The following PTPRZ1 variants were observed in gnomAD, a reference collection of about 807,000 sequenced individuals.
PTPRZ1 encodes protein tyrosine phosphatase receptor type Z1, also known as receptor-type tyrosine-protein phosphatase zeta.
PTPRZ1 carries 82 observed loss-of-function variants against 214.1 expected under a neutral mutation model. The ratio of observed to expected loss-of-function variants is 0.38; its 90% CI spans 0.32 to 0.46. The LOEUF (loss-of-function observed/expected upper bound fraction) is 0.46. Ranked by LOEUF, PTPRZ1 falls within the 20% of genes least tolerant of loss-of-function variation. The pLI is 1.00. For synonymous variants in PTPRZ1, 945 were observed against 987.9 expected (o/e 0.96, Z 0.81); for missense variants, 2,603 against 2,748.7 (o/e 0.95, Z 1.19).
rs929123689 is a variant in PTPRZ1 at position 122,052,087 on chromosome 7, G to A, written c.6252+148G>A. The A allele has an allele frequency of 5.0e-6, 3 of 601,214 alleles. No individual in the cohort carries two copies. The African/African-American group carries it at 5.8e-5, about 12-fold the overall frequency. 37.2% of individuals were successfully genotyped at this position (601,214 alleles called of 1,614,324 possible). The stretch of plus-strand genomic sequence containing the variant: ...GTTGACTGCAAGCCCACAGTCCACA[G>A]CAACAGTTGTAATAATGGCATGCTT... On this transcript the variant is annotated intron_variant, in intron 25 of 29. Coordinates refer to ENST00000393386, the MANE Select transcript of PTPRZ1 (RefSeq NM_002851.3).
chr7:121,934,442 C>T (rs1048670654), intron 2 of PTPRZ1, among the ~76,000 whole-genome samples: 4 of 134,952 alleles, frequency 3.0e-5, no homozygotes, highest in African/African-American at 5.8e-5. Flanking sequence ...GAGCCGAGAT[C>T]GCGCCACTGC....
At chr7:122,015,073 G>A (rs1798805887) in intron 12 of PTPRZ1, among the ~76,000 whole-genome samples, 2 of 152,276 alleles carry the variant, frequency 1.3e-5, no homozygotes, top group Admixed American at 6.5e-5. Context: ...CAGATTATGT[G>A]CAGTGTTTAT....
At chr7:121,991,908 G>A (rs1797976204) in intron 8 of PTPRZ1, among the ~76,000 whole-genome samples, 1 of 152,132 alleles carries the variant, frequency 6.6e-6, no homozygotes, top group South Asian at 2.1e-4. Flanking sequence ...CAACCTCATT[G>A]GTTACCTTCT....
intron 15 of PTPRZ1, 145 bp from the exon 16 acceptor site, chr7:122,033,950 T>G: frequency 1.5e-6 from 1 of 673,558 alleles, no homozygotes; most frequent in South Asian, 2.1e-5. Flanking sequence ...TTTGAAACAT[T>G]CTGTTGTGTT....
Position 122,010,950 on chromosome 7 carries a change from C to T in PTPRZ1, c.1904C>T (p.Thr635Ile), listed in dbSNP as rs201098566. Residue 635 changes from threonine (T) to isoleucine (I), a missense_variant, in exon 12 of 30, where the codon ACT (threonine) becomes ATT (isoleucine). Thr to Ile is a moderately conservative substitution (Grantham distance 89). Transcript: ENST00000393386. The part of the protein sequence containing the change: ...ESARNASEDS[T>I]SSGSEESLKD... The stretch of plus-strand genomic sequence containing the variant: ...GCTAGAAATGCTTCCGAAGATTCAA[C>T]TTCATCAGGTTCAGAAGAATCACTA... The T allele has an allele frequency of 2.9e-5, 46 of 1,614,010 alleles. No homozygotes were observed. In the African/African-American group the frequency reaches 6.0e-4, roughly 21 times the overall value.
chr7:122,010,655 T>C lies in PTPRZ1; in HGVS notation c.1609T>C (p.Ser537Pro). 2 of 1,613,618 alleles carry C rather than the reference T, an allele frequency of 1.2e-6. No homozygotes were observed. The highest frequency in any genetic ancestry group is 1.7e-6 in the Non-Finnish European group (2 of 1,179,522). ...TCACACTGTGGAAGGTACTTCAGCC[T>C]CTTTAAATGATGGCTCTAAAACTGT... ...PPHTVEGTSASLNDGSKTVLR... is the reference protein window; with the variant it reads ...PPHTVEGTSAPLNDGSKTVLR... The change falls in exon 12 of 30, where the codon TCT becomes CCT. Residue 537 changes from serine to proline, a missense_variant. Ser to Pro is a moderately conservative substitution (Grantham distance 74). Transcript: ENST00000393386.
chr7:122,000,834 G>T (rs1437403986), intron 10 of PTPRZ1, among the ~76,000 whole-genome samples: 1 of 150,868 alleles, frequency 6.6e-6, no homozygotes, highest in African/African-American at 2.4e-5. Flanking sequence ...TTACAGGCAT[G>T]CGCCACCACA....
Position 122,010,390 on chromosome 7 carries a change from CAG to C in PTPRZ1, c.1345_1346del (p.Ser449CysfsTer27). On this transcript the variant is annotated frameshift_variant, in exon 12 of 30. Transcript: ENST00000393386. LOFTEE classifies it high-confidence loss of function. ...GCGCTATTGTGAATCCTGGTAGAGACAGTGCTACAAACCAAATCAGGAAAAAG... is the reference window on the plus strand; with the variant it reads ...GCGCTATTGTGAATCCTGGTAGAGACTGCTACAAACCAAATCAGGAAAAAG... The part of the protein sequence containing the change: ...EGAIVNPGRD[S>X]ATNQIRKKEP... The C allele has an allele frequency of 6.2e-7, 1 of 1,613,958 alleles. No individual in the cohort carries two copies. The highest frequency in any genetic ancestry group is 8.5e-7 in the Non-Finnish European group (1 of 1,179,928).
At chr7:121,972,271 A>C (rs889605734) in intron 3 of PTPRZ1, among the ~76,000 whole-genome samples, 2 of 152,078 alleles carry the variant, frequency 1.3e-5, no homozygotes, top group African/African-American at 4.8e-5. Context: ...ATCTTAGGAC[A>C]CCAAACAAAC....
At chr7:121,920,614 T>A (rs1265313835) in intron 1 of PTPRZ1, among the ~76,000 whole-genome samples, 4 of 152,186 alleles carry the variant, frequency 2.6e-5, no homozygotes. Flanking sequence ...ATGATTGTAG[T>A]ACAATAACAA....
intron 2 of PTPRZ1, among the ~76,000 whole-genome samples, chr7:121,943,589 C>T (rs1198798091): frequency 1.3e-5 from 2 of 152,124 alleles, no homozygotes; most frequent in African/African-American, 2.4e-5. Context: ...CCTCCCGCCT[C>T]GGCCTCCCAA....
In PTPRZ1 at chr7:121,967,711, T is replaced by G. The variant is rs138611511; in HGVS notation, c.125-240T>G. Among the ~76,000 whole-genome samples the G allele has an allele frequency of 3.6e-3, 551 of 152,300 alleles. 2 individuals are homozygous for G. Among genetic ancestry groups the G allele is most frequent in the African/African-American group, 0.013 (536 of 41,570 alleles). ...GACTAAAGTTGTACCAAACCTTGGT[T>G]GTTGTTCTATAGACTTGTTTTTTTA... On this transcript the variant is annotated intron_variant, in intron 2 of 29. Coordinates refer to ENST00000393386, the MANE Select transcript of PTPRZ1 (RefSeq NM_002851.3).
At chr7:121,918,919 A>G (rs1308299542) in intron 1 of PTPRZ1, among the ~76,000 whole-genome samples, 2 of 151,958 alleles carry the variant, frequency 1.3e-5, no homozygotes, top group Non-Finnish European at 2.9e-5. Flanking sequence ...TAGGAACCTT[A>G]TATAATTTAT....
intron 1 of PTPRZ1, among the ~76,000 whole-genome samples, chr7:121,885,169 T>C (rs1008495238): frequency 2.6e-5 from 4 of 152,204 alleles, no homozygotes; most frequent in African/African-American, 7.2e-5. Flanking sequence ...GCAAAATGTG[T>C]ATGTTAAAAC....
intron 1 of PTPRZ1, among the ~76,000 whole-genome samples, chr7:121,922,703 G>A (rs1370434222): frequency 6.6e-6 from 1 of 152,158 alleles, no homozygotes; most frequent in Admixed American, 6.5e-5. Flanking sequence ...GTTTATCAAT[G>A]CCACTTCAGT....
chr7:121,926,129 C>T (rs921270542), intron 1 of PTPRZ1, among the ~76,000 whole-genome samples: 2 of 151,960 alleles, frequency 1.3e-5, no homozygotes, highest in Non-Finnish European at 2.9e-5. Context: ...ATAGTGAAAC[C>T]CCGTCTCTAC....
In PTPRZ1 at chr7:122,011,935, T is replaced by G; in HGVS notation, c.2889T>G (p.Phe963Leu). The part of the protein sequence containing the change: ...SVGVTYQGSL[F>L]SGPSHIPIPK... ...GTGTAACTTATCAGGGTTCCTTATTTAGCGGCCCTAGCCATATACCAATAC... is the reference window on the plus strand; with the variant it reads ...GTGTAACTTATCAGGGTTCCTTATTGAGCGGCCCTAGCCATATACCAATAC... The change falls in exon 12 of 30, where the codon TTT (phenylalanine) becomes TTG (leucine). Residue 963 changes from phenylalanine (F) to leucine (L), a missense_variant. By Grantham distance (22) the Phe-to-Leu change is conservative. This residue lies in a region of PTPRZ1 where 1,913 missense variants were observed against 1,914.3 expected (regional missense o/e 1.00). Transcript: ENST00000393386. The G allele has an allele frequency of 6.2e-7, 1 of 1,614,240 alleles. No homozygotes were observed. Among genetic ancestry groups the G allele is most frequent in the Non-Finnish European group, 8.5e-7 (1 of 1,180,040 alleles).
chr7:121,882,495 C>A (rs1280943953), intron 1 of PTPRZ1, among the ~76,000 whole-genome samples: 1 of 152,024 alleles, frequency 6.6e-6, no homozygotes, highest in Non-Finnish European at 1.5e-5. Context: ...AAAGTGAGAA[C>A]GTGGTAATTG....
Position 122,027,941 on chromosome 7 carries a change from G to A in PTPRZ1, c.4989-611G>A, listed in dbSNP as rs1046641768. Among the ~76,000 whole-genome samples, 10 of 152,200 alleles carry A rather than the reference G, an allele frequency of 6.6e-5. No individual in the cohort carries two copies. The South Asian group carries it at 2.1e-3, about 32-fold the overall frequency. On this transcript the variant is annotated intron_variant, in intron 13 of 29. Transcript: ENST00000393386. Reference sequence around the variant, plus strand: ...TTCTCATTTAAGTTCTGTCACTCCTGCATTATTACAGCATGAAGCCACTTT... The same window carrying A: ...TTCTCATTTAAGTTCTGTCACTCCTACATTATTACAGCATGAAGCCACTTT...
Sources: gnomAD v4.1 joint callset for allele counts (sites outside exome capture counted in the v4.1 genomes callset) on GRCh38, gnomAD v4.1.1 for gene constraint, gnomAD v4.1.1 regional missense constraint, MANE v1.5 for transcripts, NCBI Gene and HGNC (gene_info 2026-07-23, HGNC 2026-07-21) for gene names.